The following RSRC1 variants were observed in gnomAD, a reference collection of about 807,000 sequenced individuals.
RSRC1 encodes the protein serine/Arginine-related protein 53.
Under a neutral mutation model 49.1 loss-of-function variants are expected in RSRC1, and 39 were observed. That is an observed-to-expected ratio of 0.79 (90% confidence interval 0.61 to 1.04). The LOEUF (loss-of-function observed/expected upper bound fraction) is 1.04. Among genes scored for constraint, RSRC1 ranks in the 50% least tolerant of loss-of-function variants. RSRC1 has a pLI of 0.00. For missense variants in RSRC1, 388 were observed against 402.4 expected (o/e 0.96, Z 0.31); for synonymous variants, 143 against 130.8 (o/e 1.09, Z -0.63).
intron 4 of RSRC1, among the ~76,000 whole-genome samples, chr3:158,214,393 A>G (rs1191198938): frequency 6.6e-6 from 1 of 151,640 alleles, no homozygotes; most frequent in East Asian, 1.9e-4. Context: ...TTTGGGGTTC[A>G]TTGATATCTT....
intron 4 of RSRC1, among the ~76,000 whole-genome samples, chr3:158,215,716 A>G (rs1380038897): frequency 6.6e-6 from 1 of 151,700 alleles, no homozygotes; most frequent in Non-Finnish European, 1.5e-5. Context: ...TTCACAGTCT[A>G]CTTAGAATCT....
chr3:158,532,625 G>A (rs1369216703), intron 7 of RSRC1, among the ~76,000 whole-genome samples: 2 of 149,668 alleles, frequency 1.3e-5, no homozygotes, highest in East Asian at 3.9e-4. Flanking sequence ...TATACTTTGA[G>A]TTAAGTATTG....
At chr3:158,135,824 C>T (rs1376578711) in intron 3 of RSRC1, among the ~76,000 whole-genome samples, 1 of 152,144 alleles carries the variant, frequency 6.6e-6, no homozygotes, top group East Asian at 1.9e-4. Flanking sequence ...GTTTTCTTTT[C>T]CTGTCTAAGG....
chr3:158,443,291 G>T (rs145255986), intron 6 of RSRC1, among the ~76,000 whole-genome samples: 1 of 152,078 alleles, frequency 6.6e-6, no homozygotes, highest in East Asian at 1.9e-4. Context: ...CCTAGAAAGC[G>T]GTTTTGTCTG....
At chr3:158,272,168 T>C (rs1725554864) in intron 4 of RSRC1, among the ~76,000 whole-genome samples, 2 of 152,144 alleles carry the variant, frequency 1.3e-5, no homozygotes, top group South Asian at 4.1e-4. Context: ...ATTTCTTTCT[T>C]AAGCCCCGTG....
intron 7 of RSRC1, among the ~76,000 whole-genome samples, chr3:158,492,883 G>A (rs913280499): frequency 8.6e-5 from 13 of 152,014 alleles, no homozygotes; most frequent in Non-Finnish European, 1.9e-4. Flanking sequence ...GACAACCTTT[G>A]CCAGAAGAAA....
intron 4 of RSRC1, among the ~76,000 whole-genome samples, chr3:158,273,534 C>G (rs1174311559): frequency 6.6e-6 from 1 of 152,058 alleles, no homozygotes; most frequent in Non-Finnish European, 1.5e-5. Context: ...CCCATTCTAT[C>G]GCAATGGCTT....
intron 7 of RSRC1, among the ~76,000 whole-genome samples, chr3:158,481,777 C>T (rs1223658249): frequency 6.6e-6 from 1 of 152,018 alleles, no homozygotes; most frequent in Non-Finnish European, 1.5e-5. Flanking sequence ...CAGTGTACTG[C>T]TTTTCTTTCT....
chr3:158,461,815 A>G (rs1285155271), intron 7 of RSRC1, among the ~76,000 whole-genome samples: 19 of 151,746 alleles, frequency 1.3e-4, no homozygotes, highest in Non-Finnish European at 4.4e-5. Flanking sequence ...TGGACTTTTG[A>G]GTGCTGTAGT....
intron 4 of RSRC1, among the ~76,000 whole-genome samples, chr3:158,229,176 G>T (rs1370385234): frequency 7.0e-6 from 1 of 143,770 alleles, no homozygotes; most frequent in African/African-American, 2.5e-5. Flanking sequence ...ATAAACATAT[G>T]TGTATGTGTA....
chr3:158,147,062 C>T (rs375541293), intron 3 of RSRC1, among the ~76,000 whole-genome samples: 2 of 148,250 alleles, frequency 1.3e-5, no homozygotes, highest in African/African-American at 2.5e-5. Flanking sequence ...CCTCCCCCTC[C>T]CTCTCCATCT....
At chr3:158,343,286 C>T (rs970132117) in intron 5 of RSRC1, among the ~76,000 whole-genome samples, 28 of 151,970 alleles carry the variant, frequency 1.8e-4, no homozygotes, top group Admixed American at 1.3e-4. Flanking sequence ...AAGCAGGATG[C>T]GAAGGGATCA....
intron 4 of RSRC1, among the ~76,000 whole-genome samples, chr3:158,204,975 G>T (rs1721267138): frequency 6.6e-6 from 1 of 152,118 alleles, no homozygotes; most frequent in South Asian, 2.1e-4. Context: ...CATTAATCTT[G>T]AATGTCTCAG....
intron 3 of RSRC1, among the ~76,000 whole-genome samples, chr3:158,159,244 T>C (rs1210715527): frequency 1.3e-5 from 2 of 152,032 alleles, no homozygotes; most frequent in Admixed American, 1.3e-4. Flanking sequence ...AGATTAGTGG[T>C]TGAGATGTGC....
intron 6 of RSRC1, among the ~76,000 whole-genome samples, chr3:158,361,118 C>T (rs1423610955): frequency 6.6e-6 from 1 of 152,148 alleles, no homozygotes; most frequent in African/African-American, 2.4e-5. Flanking sequence ...GGGCACCTCT[C>T]GGAGTGTGCC....
chr3:158,351,485 T>G (rs929704187), intron 5 of RSRC1, among the ~76,000 whole-genome samples: 1 of 152,224 alleles, frequency 6.6e-6, no homozygotes, highest in Non-Finnish European at 1.5e-5. Context: ...TATATCCCCA[T>G]AGTTGGAGTT....
intron 4 of RSRC1, among the ~76,000 whole-genome samples, chr3:158,260,045 C>T (rs1284280819): frequency 6.6e-6 from 1 of 152,060 alleles, no homozygotes; most frequent in African/African-American, 2.4e-5. Flanking sequence ...ATTGAGGACC[C>T]CAGGTGTCCA....
At chr3:158,533,328 C>T (rs1712518052) in intron 7 of RSRC1, among the ~76,000 whole-genome samples, 1 of 151,720 alleles carries the variant, frequency 6.6e-6, no homozygotes, top group Non-Finnish European at 1.5e-5. Context: ...CTGGCTTTCT[C>T]CTATCTGCTC....
intron 6 of RSRC1, among the ~76,000 whole-genome samples, chr3:158,382,382 AAC>A (rs904993419): frequency 2.6e-5 from 4 of 152,204 alleles, no homozygotes; most frequent in Non-Finnish European, 5.9e-5. Context: ...ATAAGCCAGT[AAC>A]ACAGTCATTT....
Sources: allele counts gnomAD v4.1 joint callset (sites outside exome capture counted in the v4.1 genomes callset), GRCh38; gene constraint gnomAD v4.1.1; transcripts MANE v1.5; gene names NCBI Gene and HGNC (gene_info 2026-07-23, HGNC 2026-07-21).